Variants in CCDC186 observed in about 807,000 individuals in gnomAD.
CCDC186 encodes coiled-coil domain-containing protein 186.
A neutral mutation model predicts 113.7 loss-of-function variants in CCDC186; 49 were observed. The ratio of observed to expected loss-of-function variants is 0.43; its 90% confidence interval spans 0.34 to 0.55. The LOEUF (loss-of-function observed/expected upper bound fraction) is 0.55, where lower values mean the gene tolerates loss of function less well. Ranked by LOEUF, CCDC186 falls within the 20% of genes least tolerant of loss-of-function variation. CCDC186 has a pLI of 0.02. For missense variants in CCDC186, 890 were observed against 1,011.1 expected, an observed-to-expected ratio of 0.88 and a Z score of 1.62; for synonymous variants, 355 against 345.8, an observed-to-expected ratio of 1.03 and a Z score of -0.30.
chr10:114,143,902 T>C (rs889419700), intron 6 of CCDC186, among the ~76,000 whole-genome samples: 2 of 152,280 alleles, frequency 1.3e-5, no homozygotes, highest in African/African-American at 4.8e-5. Flanking sequence ...GCTCAGTTAG[T>C]GCTTAAAATT....
intron 4 of CCDC186, among the ~76,000 whole-genome samples, chr10:114,148,037 A>G (rs2031700797): frequency 6.6e-6 from 1 of 152,134 alleles, no homozygotes; most frequent in African/African-American, 2.4e-5. Flanking sequence ...TGGGAGGGCT[A>G]AGGTGGGAGG....
intron 6 of CCDC186, among the ~76,000 whole-genome samples, chr10:114,141,093 C>T (rs1258927808): frequency 2.0e-5 from 3 of 151,774 alleles, no homozygotes; most frequent in Admixed American, 6.6e-5. Context: ...GGGGACCTCG[C>T]TATGTTGCCC....
At chr10:114,147,409 A>G (rs2031679665) in intron 4 of CCDC186, among the ~76,000 whole-genome samples, 1 of 152,196 alleles carries the variant, frequency 6.6e-6, no homozygotes, top group African/African-American at 2.4e-5. Context: ...TGAGCTAGGT[A>G]TTAAAGGCTA....
At chr10:114,127,821 G>A (rs747063430) in intron 13 of CCDC186, 150 bp from the exon 14 acceptor site, 5 of 709,200 alleles carry the variant, frequency 7.1e-6, no homozygotes, top group Non-Finnish European at 1.2e-5. Flanking sequence ...TGAGGTTCTG[G>A]TTTCTGAATA....
chr10:114,125,459 A>C (rs1434048697), intron 15 of CCDC186, among the ~76,000 whole-genome samples: 1 of 152,204 alleles, frequency 6.6e-6, no homozygotes, highest in African/African-American at 2.4e-5. Context: ...AATGCATAAA[A>C]TGATTACTTA....
At chr10:114,162,246 C>T (rs2032189378) in intron 2 of CCDC186, 1 of 156,698 alleles carries the variant, frequency 6.4e-6, no homozygotes, top group Non-Finnish European at 1.4e-5. Flanking sequence ...ATTCTGTTCT[C>T]TAAATTTTAA....
rs2030740876 is a variant in CCDC186 at position 114,122,033 on chromosome 10, A to T, written c.*3110T>A. ...TGCCATGTTGCCCTGGCTGGTCTCAAACTCCTGGGCTCAAACAATCCTCCC... is the reference window on the plus strand; with the variant it reads ...TGCCATGTTGCCCTGGCTGGTCTCATACTCCTGGGCTCAAACAATCCTCCC... On this transcript the variant is annotated 3_prime_UTR_variant, in exon 16 of 16. Coordinates refer to ENST00000369287, the MANE Select transcript of CCDC186 (RefSeq NM_018017.4). The T allele has an allele frequency of 6.6e-6, 1 of 152,152 alleles. No individual in the cohort carries two copies. The highest frequency in any genetic ancestry group is 6.6e-5 in the Admixed American group (1 of 15,250). The allele number at this position is 152,152 out of a possible 1,614,324, so 9.4% of individuals were successfully genotyped here.
chr10:114,123,364 C>T lies in CCDC186; in HGVS notation c.*1779G>A, dbSNP rs2030789478. 1 of 151,888 alleles carries T rather than the reference C, an allele frequency of 6.6e-6. No individual in the cohort carries two copies. Among genetic ancestry groups the T allele is most frequent in the Non-Finnish European group, 1.5e-5 (1 of 67,930 alleles). 9.4% of individuals were successfully genotyped at this position (151,888 alleles called of 1,614,324 possible). ...ATTTTTTTTGGGATAACATCTAATTCAATATATAGAAAAAAAGACATTCAT... is the reference window on the plus strand; with the variant it reads ...ATTTTTTTTGGGATAACATCTAATTTAATATATAGAAAAAAAGACATTCAT... On this transcript the variant is annotated 3_prime_UTR_variant, in exon 16 of 16. Coordinates refer to ENST00000369287, the MANE Select transcript of CCDC186 (RefSeq NM_018017.4).
At chr10:114,154,814 C>T (rs1449654480) in intron 3 of CCDC186, among the ~76,000 whole-genome samples, 1 of 152,172 alleles carries the variant, frequency 6.6e-6, no homozygotes, top group Admixed American at 6.5e-5. Flanking sequence ...AGAAACAACC[C>T]ATTTTCCCAT....
chr10:114,125,089 A>G lies in CCDC186; in HGVS notation c.*54T>C. The G allele has an allele frequency of 1.6e-6, 2 of 1,273,008 alleles. No individual in the cohort carries two copies. Among genetic ancestry groups the G allele is most frequent in the East Asian group, 2.4e-5 (1 of 41,690 alleles). 78.9% of individuals were successfully genotyped at this position (1,273,008 alleles called of 1,614,324 possible). ...AACAAAGTCTCCAACAATAGAGGTC[A>G]GTGGCACCTACTCCTGTGTGGCTTT... is the stretch of plus-strand genomic sequence containing the variant. On this transcript the variant is annotated 3_prime_UTR_variant, in exon 16 of 16. Transcript: ENST00000369287.
chr10:114,170,463 G>A (rs2032459289), intron 1 of CCDC186, among the ~76,000 whole-genome samples: 1 of 152,078 alleles, frequency 6.6e-6, no homozygotes, highest in South Asian at 2.1e-4. Context: ...TGGGACTACA[G>A]GTACATGCCG....
At chr10:114,169,234 C>CT (rs34677282) in intron 1 of CCDC186, among the ~76,000 whole-genome samples, 16,161 of 97,514 alleles carry the variant, frequency 0.17, 1,921 homozygotes, top group East Asian at 0.46. Flanking sequence ...TAGTACCATT[C>CT]TTTTTTTTTT....
intron 5 of CCDC186, 50 bp from the exon 6 acceptor site, chr10:114,144,666 T>C: frequency 6.9e-7 from 1 of 1,447,918 alleles, no homozygotes; most frequent in South Asian, 1.2e-5. Context: ...AATCAATTAA[T>C]TATATCTTTT....
In CCDC186 at chr10:114,125,084, A is replaced by G; in HGVS notation, c.*59T>C. 8.3e-7 allele frequency: 1 copy of G among 1,204,190 alleles called. No individual in the cohort carries two copies. The highest frequency in any genetic ancestry group is 2.4e-5 in the Admixed American group (1 of 41,890). The allele number at this position is 1,204,190 out of a possible 1,614,324, so 74.6% of individuals were successfully genotyped here. A position where few individuals can be genotyped will look rare whatever the true frequency, so the allele number is the denominator to read the frequency against. ...AGTGGAACAAAGTCTCCAACAATAG[A>G]GGTCAGTGGCACCTACTCCTGTGTG... On this transcript the variant is annotated 3_prime_UTR_variant, in exon 16 of 16. Transcript: ENST00000369287.
chr10:114,144,746 A>G, intron 5 of CCDC186, 130 bp from the exon 6 acceptor site: 2 of 707,932 alleles, frequency 2.8e-6, no homozygotes, highest in Non-Finnish European at 4.3e-6. Context: ...CCCACAGACT[A>G]TAAAACTTAT....
In CCDC186 at chr10:114,124,675, T is replaced by C. The variant is rs1319509054; in HGVS notation, c.*468A>G. 1.3e-5 allele frequency: 2 copies of C among 152,434 alleles called. No homozygotes were observed. Among genetic ancestry groups the C allele is most frequent in the Non-Finnish European group, 2.9e-5 (2 of 68,194 alleles). The allele number at this position is 152,434 out of a possible 1,614,324, so 9.4% of individuals were successfully genotyped here. On this transcript the variant is annotated 3_prime_UTR_variant, in exon 16 of 16. Coordinates refer to ENST00000369287, the MANE Select transcript of CCDC186 (RefSeq NM_018017.4). Reference sequence around the variant, plus strand: ...ACACATCCCTAAAACTCACCCGATATGCTGGAGTGTAAAAATAAACATTTT... The same window carrying C: ...ACACATCCCTAAAACTCACCCGATACGCTGGAGTGTAAAAATAAACATTTT...
In CCDC186 at chr10:114,121,200, T is replaced by C. The variant is rs1393669745; in HGVS notation, c.*3943A>G. 1 of 152,164 alleles carries C rather than the reference T, an allele frequency of 6.6e-6. No individual in the cohort carries two copies. Among genetic ancestry groups the C allele is most frequent in the Non-Finnish European group, 1.5e-5 (1 of 68,018 alleles). 9.4% of individuals were successfully genotyped at this position (152,164 alleles called of 1,614,324 possible). ...TTTTTCTTTGTTCATCTTTGAAAAA[T>C]TTCAGGTTTCTAGTGCCACCAACTG... On this transcript the variant is annotated 3_prime_UTR_variant, in exon 16 of 16. Transcript: ENST00000369287.
rs560231013 is a variant in CCDC186 at position 114,121,117 on chromosome 10, C to A, written c.*4026G>T. On this transcript the variant is annotated 3_prime_UTR_variant, in exon 16 of 16. Coordinates refer to ENST00000369287, the MANE Select transcript of CCDC186 (RefSeq NM_018017.4). ...AGAAGAAAAATACATCTCTAATATA[C>A]AATTATATTTTTCATTTATTTTCCT... 2.0e-5 allele frequency: 3 copies of A among 152,080 alleles called. No individual in the cohort carries two copies. Among genetic ancestry groups the A allele is most frequent in the African/African-American group, 7.2e-5 (3 of 41,510 alleles). 9.4% of individuals were successfully genotyped at this position (152,080 alleles called of 1,614,324 possible). A position where few individuals can be genotyped will look rare whatever the true frequency, so the allele number is the denominator to read the frequency against.
At chr10:114,128,773 T>G (rs1284969651) in intron 13 of CCDC186, among the ~76,000 whole-genome samples, 6 of 152,212 alleles carry the variant, frequency 3.9e-5, no homozygotes, top group Non-Finnish European at 8.8e-5. Context: ...TCTACCCATT[T>G]TTACTTTAGG....
Sources: allele counts gnomAD v4.1 joint callset (sites outside exome capture counted in the v4.1 genomes callset), GRCh38; gene constraint gnomAD v4.1.1; transcripts MANE v1.5; gene names NCBI Gene and HGNC (gene_info 2026-07-23, HGNC 2026-07-21).